The following ZNF469 variants were observed in gnomAD, a reference collection of about 807,000 sequenced individuals.
ZNF469 encodes the protein zinc finger protein 469.
Under a neutral mutation model 1.0 loss-of-function variants are expected in ZNF469, and 1 was observed. The ratio of observed to expected loss-of-function variants is 1.00; its 90% CI spans 0.35 to 4.73. ZNF469 has a LOEUF of 4.73. Among genes scored for constraint, ZNF469 ranks in the 30% most tolerant of loss-of-function variants. The pLI, the probability that ZNF469 is intolerant of heterozygous loss-of-function variation, is 0.16. For missense variants in ZNF469, 6,100 were observed against 5,356.3 expected (o/e 1.14, Z -4.33); for synonymous variants, 2,703 against 2,363.4 (o/e 1.14, Z -4.17).
rs1403759212 is a variant in ZNF469 at position 88,430,719 on chromosome 16, A to G, written c.3249A>G (p.Gly1083=). The G allele has an allele frequency of 2.0e-6, 3 of 1,490,350 alleles. No homozygotes were observed. Among genetic ancestry groups the G allele is most frequent in the Non-Finnish European group, 1.8e-6 (2 of 1,129,262 alleles). 92.3% of individuals were successfully genotyped at this position (1,490,350 alleles called of 1,614,324 possible). A position where few individuals can be genotyped will look rare whatever the true frequency, so the allele number is the denominator to read the frequency against. ...GSLAAGRPRP[G]AEDRRLREYD... ...TGGCGGCGGGGAGGCCCCGGCCCGG[A>G]GCTGAGGACCGCAGGCTCCGCGAGT... The change falls in exon 3 of 3, where the codon GGA becomes GGG. Residue 1083 remains glycine (G), a synonymous_variant. Transcript: ENST00000565624.
chr16:88,221,047 G>A, the ZNF469 span, among the ~76,000 whole-genome samples: 15 of 152,166 alleles, frequency 9.9e-5, no homozygotes, highest in Admixed American at 4.6e-4. Flanking sequence ...TGGTGAAGGC[G>A]TTAATCAGGG....
the ZNF469 span, among the ~76,000 whole-genome samples, chr16:88,183,879 G>A: frequency 6.6e-6 from 1 of 152,122 alleles, no homozygotes; most frequent in Non-Finnish European, 1.5e-5. Context: ...ACAGGGAAGC[G>A]TCCCTGGAGA....
At chr16:88,403,146 G>A (rs911291095) in intron 1 of ZNF469, among the ~76,000 whole-genome samples, 1 of 152,202 alleles carries the variant, frequency 6.6e-6, no homozygotes, top group African/African-American at 2.4e-5. Context: ...GCCGAGTGCG[G>A]TTGGGAGCTC....
chr16:88,107,094 G>A, the ZNF469 span, among the ~76,000 whole-genome samples: 3 of 152,152 alleles, frequency 2.0e-5, no homozygotes, highest in South Asian at 2.1e-4. Flanking sequence ...TCTCAGGCCC[G>A]CACGGGAGGT....
At chr16:88,336,293 G>A in the ZNF469 span, among the ~76,000 whole-genome samples, 6 of 148,670 alleles carry the variant, frequency 4.0e-5, no homozygotes, top group East Asian at 4.0e-4. Context: ...ACAGTGATGC[G>A]CCAATACCAC....
intron 1 of ZNF469, among the ~76,000 whole-genome samples, chr16:88,393,586 G>A (rs574538757): frequency 3.9e-5 from 6 of 152,294 alleles, no homozygotes; most frequent in South Asian, 2.1e-4. Context: ...GAGTGGGTTC[G>A]CCCCAGTGCC....
the ZNF469 span, among the ~76,000 whole-genome samples, chr16:88,270,111 G>A: frequency 5.3e-5 from 8 of 152,056 alleles, no homozygotes; most frequent in South Asian, 6.2e-4. Context: ...GGTAAATTGC[G>A]CCTGCAGTGA....
intron 1 of ZNF469, among the ~76,000 whole-genome samples, chr16:88,403,798 C>A (rs1174367290): frequency 2.0e-5 from 3 of 152,226 alleles, no homozygotes; most frequent in African/African-American, 7.2e-5. Flanking sequence ...AAGCCCTGGG[C>A]CTGTCTGGAT....
the ZNF469 span, among the ~76,000 whole-genome samples, chr16:88,249,623 A>G: frequency 6.6e-6 from 1 of 151,416 alleles, no homozygotes; most frequent in African/African-American, 2.4e-5. Flanking sequence ...TTTTTAGTAG[A>G]GACGGGATTT....
chr16:88,320,263 T>G, the ZNF469 span, among the ~76,000 whole-genome samples: 1 of 152,258 alleles, frequency 6.6e-6, no homozygotes, highest in African/African-American at 2.4e-5. Flanking sequence ...ATGTTCCTGC[T>G]GATTACACTG....
chr16:88,144,016 C>A, the ZNF469 span, among the ~76,000 whole-genome samples: 1 of 146,492 alleles, frequency 6.8e-6, no homozygotes, highest in Non-Finnish European at 1.5e-5. Flanking sequence ...ACGTGCCAGG[C>A]GCAGGGGAAA....
the ZNF469 span, among the ~76,000 whole-genome samples, chr16:88,141,031 G>A: frequency 6.6e-6 from 1 of 152,190 alleles, no homozygotes; most frequent in Admixed American, 6.5e-5. Context: ...TGAAAGAGAG[G>A]AAAGAATCAT....
At chr16:88,160,851 G>T in the ZNF469 span, among the ~76,000 whole-genome samples, 1 of 152,166 alleles carries the variant, frequency 6.6e-6, no homozygotes, top group African/African-American at 2.4e-5. Flanking sequence ...GAAATAAAAA[G>T]GGTTTTAAAG....
the ZNF469 span, among the ~76,000 whole-genome samples, chr16:88,343,462 T>A: frequency 0.095 from 14,457 of 152,258 alleles, 862 homozygotes; most frequent in African/African-American, 0.15. Context: ...GACTTCTTCC[T>A]AAGAGCAGAG....
At chr16:88,224,617 G>C in the ZNF469 span, among the ~76,000 whole-genome samples, 1 of 152,232 alleles carries the variant, frequency 6.6e-6, no homozygotes, top group African/African-American at 2.4e-5. Context: ...CTGACACGCA[G>C]CAGGAGGGCG....
chr16:88,351,192 G>T, the ZNF469 span, among the ~76,000 whole-genome samples: 1 of 152,234 alleles, frequency 6.6e-6, no homozygotes, highest in Non-Finnish European at 1.5e-5. Flanking sequence ...CACACACCCG[G>T]CCCTCGGTGG....
the ZNF469 span, among the ~76,000 whole-genome samples, chr16:88,296,767 A>G: frequency 6.6e-6 from 1 of 152,092 alleles, no homozygotes; most frequent in Non-Finnish European, 1.5e-5. Flanking sequence ...ACATACATGC[A>G]CACACACATG....
chr16:88,415,731 G>A (rs1446775189), intron 1 of ZNF469, among the ~76,000 whole-genome samples: 1 of 152,214 alleles, frequency 6.6e-6, no homozygotes, highest in East Asian at 1.9e-4. Context: ...ATGTGCCCTG[G>A]AACCCAGCAC....
chr16:88,301,312 G>A, the ZNF469 span, among the ~76,000 whole-genome samples: 386 of 152,040 alleles, frequency 2.5e-3, 5 homozygotes, highest in Non-Finnish European at 5.6e-4. Flanking sequence ...CCGCTACCAC[G>A]CCTGGCTAAT....
Sources: allele counts gnomAD v4.1 joint callset (sites outside exome capture counted in the v4.1 genomes callset), GRCh38; gene constraint gnomAD v4.1.1; transcripts MANE v1.5; gene names NCBI Gene and HGNC (gene_info 2026-07-23, HGNC 2026-07-21).